SPON1: variants seen among roughly 807,000 people sequenced by gnomAD.
The protein encoded by SPON1 is spondin 1, also known as spondin-1.
SPON1 carries 52 observed loss-of-function variants against 111.7 expected under a neutral mutation model. The observed-to-expected ratio is 0.47, with a 90% CI of 0.37 to 0.59. The LOEUF (loss-of-function observed/expected upper bound fraction) is 0.59. Among genes scored for constraint, SPON1 ranks in the 20% least tolerant of loss-of-function variants. The pLI is 0.00. For synonymous variants in SPON1, 410 were observed against 395.8 expected, an observed-to-expected ratio of 1.04 and a Z score of -0.43; for missense variants, 957 against 1,068.5, an observed-to-expected ratio of 0.90 and a Z score of 1.46.
chr11:14,154,023 C>A (rs1443938403), intron 6 of SPON1, among the ~76,000 whole-genome samples: 1 of 152,198 alleles, frequency 6.6e-6, no homozygotes, highest in African/African-American at 2.4e-5. Context: ...GCTCTCAAGG[C>A]CTTGGGCAGC....
intron 3 of SPON1, among the ~76,000 whole-genome samples, chr11:14,070,638 A>AT (rs1326818771): frequency 1.3e-5 from 2 of 152,208 alleles, no homozygotes; most frequent in African/African-American, 4.8e-5. Flanking sequence ...ATCCAGGTAT[A>AT]TTTTTTAAGT....
chr11:13,990,547 A>G (rs1422824385), intron 2 of SPON1, among the ~76,000 whole-genome samples: 1 of 151,800 alleles, frequency 6.6e-6, no homozygotes, highest in East Asian at 1.9e-4. Flanking sequence ...TGTGTCTTTT[A>G]ATTGGGGCAT....
intron 2 of SPON1, among the ~76,000 whole-genome samples, chr11:14,003,301 A>C (rs1848333506): frequency 6.6e-6 from 1 of 152,172 alleles, no homozygotes; most frequent in Non-Finnish European, 1.5e-5. Context: ...TCAGTCCAAA[A>C]CATTTATTAG....
chr11:14,012,041 A>G (rs1848408792), intron 2 of SPON1, among the ~76,000 whole-genome samples: 1 of 152,140 alleles, frequency 6.6e-6, no homozygotes, highest in Non-Finnish European at 1.5e-5. Flanking sequence ...CTGGCAGGTA[A>G]ACAGTGGATG....
chr11:13,977,391 T>A (rs1848110981), intron 1 of SPON1, among the ~76,000 whole-genome samples: 1 of 152,206 alleles, frequency 6.6e-6, no homozygotes, highest in Non-Finnish European at 1.5e-5. Context: ...CGCAGTACTA[T>A]TTCATTGTAG....
At chr11:14,153,126 T>A (rs920718455) in intron 6 of SPON1, among the ~76,000 whole-genome samples, 4 of 152,214 alleles carry the variant, frequency 2.6e-5, no homozygotes, top group Non-Finnish European at 5.9e-5. Context: ...CTTCTTCTTC[T>A]ATCTTCAATC....
In SPON1 at chr11:14,180,983, C is replaced by T. The variant is rs190655132; in HGVS notation, c.825+45415C>T. Among the ~76,000 whole-genome samples the T allele has an allele frequency of 3.0e-3, 453 of 152,256 alleles. 3 individuals carry two copies. Among genetic ancestry groups the T allele is most frequent in the African/African-American group, 0.01 (433 of 41,546 alleles). ...AACTTCCCTTCAGTTTGTTCACTAC[C>T]CCCTGCCCCAGCTGGCTGTGTGCCC... On this transcript the variant is annotated intron_variant, in intron 6 of 15. Coordinates refer to ENST00000576479, the MANE Select transcript of SPON1 (RefSeq NM_006108.4).
At chr11:14,163,118 TTGCCTAAGTTTAATAATAACAG>T (rs767706815) in intron 6 of SPON1, among the ~76,000 whole-genome samples, 1 of 152,218 alleles carries the variant, frequency 6.6e-6, no homozygotes, top group Non-Finnish European at 1.5e-5. Context: ...ATATCACAGA[TTGCCTAAGTTTAATAATAACAG>T]TGCACTTTTT....
intron 1 of SPON1, among the ~76,000 whole-genome samples, chr11:13,966,433 T>G (rs1848016842): frequency 6.6e-6 from 1 of 152,184 alleles, no homozygotes; most frequent in South Asian, 2.1e-4. Flanking sequence ...AAGAATTGAT[T>G]GAAAATAAAA....
intron 5 of SPON1, among the ~76,000 whole-genome samples, chr11:14,120,839 G>T (rs1591380894): frequency 1.3e-5 from 2 of 152,208 alleles, no homozygotes; most frequent in East Asian, 3.8e-4. Context: ...AACCATAGAA[G>T]ATAGGTACTA....
At chr11:14,121,853 A>T (rs1847392087) in intron 5 of SPON1, among the ~76,000 whole-genome samples, 1 of 152,014 alleles carries the variant, frequency 6.6e-6, no homozygotes, top group East Asian at 1.9e-4. Flanking sequence ...TCATTTTTGA[A>T]GGATATCTTT....
At chr11:14,080,914 A>C (rs1438988914) in intron 5 of SPON1, among the ~76,000 whole-genome samples, 3 of 151,870 alleles carry the variant, frequency 2.0e-5, no homozygotes, top group Admixed American at 2.0e-4. Context: ...CAAAATTCTA[A>C]AATTAGCTGG....
intron 6 of SPON1, among the ~76,000 whole-genome samples, chr11:14,139,728 A>AT (rs1564913661): frequency 6.6e-6 from 1 of 151,130 alleles, no homozygotes; most frequent in African/African-American, 2.4e-5. Context: ...ATATATATTT[A>AT]AGTGAAAAGA....
At chr11:14,092,393 C>T (rs1849066658) in intron 5 of SPON1, among the ~76,000 whole-genome samples, 1 of 152,138 alleles carries the variant, frequency 6.6e-6, no homozygotes, top group Non-Finnish European at 1.5e-5. Flanking sequence ...CTTTGAGAAC[C>T]TCTGCAATAG....
Position 13,965,861 on chromosome 11 carries a change from T to TC in SPON1, c.238+2723dup, listed in dbSNP as rs1848012021. Among the ~76,000 whole-genome samples the TC allele has an allele frequency of 5.9e-5, 9 of 152,344 alleles. No individual in the cohort carries two copies. In the South Asian group the frequency reaches 1.4e-3, roughly 25 times the overall value. ...TGACTTAAGGCTGTGAAGCTGGCAT[T>TC]CCCCTGGTGTTCTATTTGCTTTTTA... On this transcript the variant is annotated intron_variant, in intron 1 of 15. Transcript: ENST00000576479.
intron 6 of SPON1, among the ~76,000 whole-genome samples, chr11:14,183,870 C>G (rs1321552132): frequency 2.9e-5 from 4 of 140,002 alleles, no homozygotes; most frequent in Non-Finnish European, 6.3e-5. Flanking sequence ...TCATCAAGAT[C>G]ACATCTATAA....
chr11:14,161,209 T>TTATATA, intron 6 of SPON1, among the ~76,000 whole-genome samples: 1 of 47,680 alleles, frequency 2.1e-5, no homozygotes, highest in Non-Finnish European at 4.4e-5. Context: ...ATTTATATAT[T>TTATATA]TATATATATC....
intron 5 of SPON1, among the ~76,000 whole-genome samples, chr11:14,109,218 C>T (rs1849208814): frequency 6.6e-6 from 1 of 152,104 alleles, no homozygotes; most frequent in Admixed American, 6.5e-5. Context: ...TCAGTCAATC[C>T]TCCCACCTCA....
intron 5 of SPON1, among the ~76,000 whole-genome samples, chr11:14,113,564 T>G (rs1849241822): frequency 2.7e-5 from 2 of 75,140 alleles, no homozygotes; most frequent in African/African-American, 1.3e-4. Context: ...TATGTACTTT[T>G]TAAATTTTTT....
Sources: allele counts gnomAD v4.1 joint callset (sites outside exome capture counted in the v4.1 genomes callset), GRCh38; gene constraint gnomAD v4.1.1; transcripts MANE v1.5; gene names NCBI Gene and HGNC (gene_info 2026-07-23, HGNC 2026-07-21).